Variants in TFEC observed in about 807,000 individuals in gnomAD.
The protein encoded by TFEC is class E basic helix-loop-helix protein 34.
Under a neutral mutation model 41.6 loss-of-function variants are expected in TFEC, and 31 were observed. That is an observed-to-expected ratio of 0.74 (90% confidence interval 0.56 to 1.01). TFEC has a LOEUF of 1.01. TFEC is among the 50% of genes least tolerant of loss of function. The pLI is 0.00. For missense variants in TFEC, 402 were observed against 404.1 expected, an observed-to-expected ratio of 0.99 and a Z score of 0.04; for synonymous variants, 143 against 140.6, an observed-to-expected ratio of 1.02 and a Z score of -0.12.
upstream of TFEC, chr7:116,030,816 C>T (rs1433824380): frequency 2.9e-5 from 29 of 985,226 alleles, no homozygotes; most frequent in Non-Finnish European, 3.5e-5. Context: ...AGAGAAGTGG[C>T]TCATTAGGGC....
intron 1 of TFEC, among the ~76,000 whole-genome samples, chr7:116,152,198 T>A (rs1798776102): frequency 6.6e-6 from 1 of 152,088 alleles, no homozygotes; most frequent in Non-Finnish European, 1.5e-5. Flanking sequence ...CCCTCATACC[T>A]TAAACAACTA....
In TFEC at chr7:116,146,631, A is replaced by G. The variant is rs377357588; in HGVS notation, c.-69+13159T>C. On this transcript the variant is annotated intron_variant, in intron 1 of 8. Coordinates refer to the TFEC transcript ENST00000484212. ...CAAAAGGAACCCAAACCTTCTATAG[A>G]CAAACTCATTTTAATACATACCTTA... Among the ~76,000 whole-genome samples the G allele has an allele frequency of 6.1e-4, 93 of 152,294 alleles. No individual in the cohort carries two copies. The South Asian group carries it at 0.019, about 31-fold the overall frequency.
chr7:116,075,091 G>T (rs986346358), intron 3 of TFEC, among the ~76,000 whole-genome samples: 2 of 152,120 alleles, frequency 1.3e-5, no homozygotes, highest in East Asian at 1.9e-4. Context: ...TTTGGAGAGG[G>T]TATTGAAAAT....
At chr7:116,075,277 C>G (rs1248819275) in intron 3 of TFEC, among the ~76,000 whole-genome samples, 1 of 152,130 alleles carries the variant, frequency 6.6e-6, no homozygotes, top group South Asian at 2.1e-4. Flanking sequence ...GGTGGCAGGA[C>G]TAGCTTGCAG....
intron 1 of TFEC, among the ~76,000 whole-genome samples, chr7:116,009,028 C>T (rs1794905351): frequency 6.6e-6 from 1 of 152,110 alleles, no homozygotes; most frequent in East Asian, 1.9e-4. Flanking sequence ...TTTTCTAATT[C>T]AATGGTGTTC....
At chr7:116,005,107 T>G in intron 1 of TFEC, among the ~76,000 whole-genome samples, 1 of 152,180 alleles carries the variant, frequency 6.6e-6, no homozygotes, top group East Asian at 1.9e-4. Flanking sequence ...TTAAACCTCT[T>G]TCTTTTGTAA....
At chr7:116,076,537 T>C (rs181239487) in intron 3 of TFEC, among the ~76,000 whole-genome samples, 42 of 152,028 alleles carry the variant, frequency 2.8e-4, no homozygotes, top group Non-Finnish European at 7.4e-5. Flanking sequence ...ATACAGGATA[T>C]GAAGGGAAAA....
intron 3 of TFEC, among the ~76,000 whole-genome samples, chr7:116,095,290 C>T (rs1163480692): frequency 1.3e-5 from 2 of 152,100 alleles, no homozygotes; most frequent in Non-Finnish European, 2.9e-5. Flanking sequence ...ACATAAAGCA[C>T]TTCTAGTTAT....
At chr7:116,144,213 CAA>C (rs199544196) in intron 1 of TFEC, among the ~76,000 whole-genome samples, 108 of 142,628 alleles carry the variant, frequency 7.6e-4, no homozygotes, top group East Asian at 3.1e-3. Flanking sequence ...GAGACTCCAT[CAA>C]AAAAAAAAAA....
At chr7:116,025,288 G>A (rs1378314603) in intron 1 of TFEC, among the ~76,000 whole-genome samples, 4 of 152,128 alleles carry the variant, frequency 2.6e-5, no homozygotes, top group African/African-American at 4.8e-5. Context: ...AAGACCAGAT[G>A]TATGAGACAT....
chr7:116,084,924 G>T (rs1353768161), intron 3 of TFEC, among the ~76,000 whole-genome samples: 3 of 151,784 alleles, frequency 2.0e-5, no homozygotes, highest in African/African-American at 7.2e-5. Context: ...ACATTTGCTG[G>T]CTGCTGTGAC....
chr7:116,086,517 G>A (rs1797206739), intron 3 of TFEC, among the ~76,000 whole-genome samples: 1 of 151,840 alleles, frequency 6.6e-6, no homozygotes, highest in Admixed American at 6.6e-5. Flanking sequence ...CGAGTGATGA[G>A]GTGATGGATA....
chr7:116,111,712 GA>G (rs1797859011), intron 2 of TFEC, among the ~76,000 whole-genome samples: 1 of 151,944 alleles, frequency 6.6e-6, no homozygotes, highest in African/African-American at 2.4e-5. Context: ...GAGTTTCTGG[GA>G]AAATATCATT....
Position 115,938,947 on chromosome 7 carries a change from A to C in TFEC, c.*1604T>G, listed in dbSNP as rs1184118795. On this transcript the variant is annotated 3_prime_UTR_variant, in exon 8 of 8. Coordinates refer to ENST00000265440, the MANE Select transcript of TFEC (RefSeq NM_012252.4). Reference sequence around the variant, plus strand: ...TTTCTAATTAAAGTCCTATAAAGATACTTCCCCTATTATTCTCACTTTTAT... The same window carrying C: ...TTTCTAATTAAAGTCCTATAAAGATCCTTCCCCTATTATTCTCACTTTTAT... 2.6e-5 allele frequency: 4 copies of C among 151,980 alleles called. No individual in the cohort carries two copies. Among genetic ancestry groups the C allele is most frequent in the Non-Finnish European group, 4.4e-5 (3 of 67,938 alleles). The allele number at this position is 151,980 out of a possible 1,614,324, so 9.4% of individuals were successfully genotyped here.
intron 3 of TFEC, among the ~76,000 whole-genome samples, chr7:116,109,975 G>A (rs572164493): frequency 6.6e-6 from 1 of 152,122 alleles, no homozygotes; most frequent in African/African-American, 2.4e-5. Context: ...CTATTGCAAG[G>A]ACAAAAAACC....
chr7:116,033,512 T>C (rs1223433481), upstream of TFEC, among the ~76,000 whole-genome samples: 1 of 152,132 alleles, frequency 6.6e-6, no homozygotes, highest in Non-Finnish European at 1.5e-5. Context: ...CTTTTTTCAG[T>C]TGCCTCTGTC....
chr7:116,005,625 G>A (rs1794758925), intron 1 of TFEC, among the ~76,000 whole-genome samples: 1 of 152,174 alleles, frequency 6.6e-6, no homozygotes. Flanking sequence ...ATAAAAGTTT[G>A]GAAAATTTGC....
At chr7:116,097,175 A>C (rs933646450) in intron 3 of TFEC, among the ~76,000 whole-genome samples, 2 of 152,166 alleles carry the variant, frequency 1.3e-5, no homozygotes, top group Admixed American at 6.5e-5. Flanking sequence ...TACTTTACGC[A>C]AAGTGGTAAA....
chr7:116,123,763 G>A (rs1798156405), intron 1 of TFEC, among the ~76,000 whole-genome samples: 1 of 151,952 alleles, frequency 6.6e-6, no homozygotes. Flanking sequence ...CTCCTATCAT[G>A]TTCACTTCCT....
Sources: gnomAD v4.1 joint callset for allele counts (sites outside exome capture counted in the v4.1 genomes callset) on GRCh38, gnomAD v4.1.1 for gene constraint, MANE v1.5 for transcripts, NCBI Gene and HGNC (gene_info 2026-07-23, HGNC 2026-07-21) for gene names.